The following KLHL2 variants were observed in gnomAD, a reference collection of about 807,000 sequenced individuals.
The protein encoded by KLHL2 is kelch like family member 2, also known as kelch-like protein 2.
Under a neutral mutation model 75.8 loss-of-function variants are expected in KLHL2, and 15 were observed. That is an observed-to-expected ratio of 0.20 (90% confidence interval 0.13 to 0.30). KLHL2 has a LOEUF of 0.30. KLHL2 is among the 10% of genes least tolerant of loss of function. KLHL2 has a pLI of 1.00. For missense variants in KLHL2, 381 were observed against 741.0 expected, an observed-to-expected ratio of 0.51 and a Z score of 5.64; for synonymous variants, 214 against 251.9, an observed-to-expected ratio of 0.85 and a Z score of 1.42.
chr4:165,209,623 C>T (rs1483923544), intron 1 of KLHL2, among the ~76,000 whole-genome samples: 2 of 152,056 alleles, frequency 1.3e-5, no homozygotes, highest in African/African-American at 4.8e-5. Context: ...TGATGACCAG[C>T]GCCATTTTTG....
chr4:165,305,515 T>A (rs1745663795), intron 8 of KLHL2, 93 bp from the exon 9 acceptor site: 1 of 1,027,012 alleles, frequency 9.7e-7, no homozygotes, highest in Admixed American at 1.7e-5. Flanking sequence ...ATCTTCATCC[T>A]AACACTTCCC....
Position 165,322,292 on chromosome 4 carries a change from T to G in KLHL2, c.*232T>G. On this transcript the variant is annotated 3_prime_UTR_variant, in exon 15 of 15. Transcript: ENST00000226725. Reference sequence around the variant, plus strand: ...GCTGACTGAATTTTCATAAGAAACTTGGACTGCAGGACTTAATCTGTAGTC... The same window carrying G: ...GCTGACTGAATTTTCATAAGAAACTGGGACTGCAGGACTTAATCTGTAGTC... 1.9e-6 allele frequency: 1 copy of G among 525,866 alleles called. No individual in the cohort carries two copies. Among genetic ancestry groups the G allele is most frequent in the South Asian group, 2.6e-5 (1 of 38,248 alleles). 32.6% of individuals were successfully genotyped at this position (525,866 alleles called of 1,614,324 possible). A position where few individuals can be genotyped will look rare whatever the true frequency, so the allele number is the denominator to read the frequency against.
chr4:165,305,453 A>T (rs1745658746), intron 8 of KLHL2, among the ~76,000 whole-genome samples, 155 bp from the exon 9 acceptor site: 1 of 152,192 alleles, frequency 6.6e-6, no homozygotes. Context: ...GTTGATGTTT[A>T]TGAAATGTTG....
At chr4:165,258,824 A>G (rs1741416472) in intron 4 of KLHL2, among the ~76,000 whole-genome samples, 3 of 152,254 alleles carry the variant, frequency 2.0e-5, no homozygotes, top group Admixed American at 1.3e-4. Flanking sequence ...AAACCACAGG[A>G]TCAGAATTAC....
chr4:165,261,061 G>T (rs1741625550), intron 4 of KLHL2, among the ~76,000 whole-genome samples: 2 of 152,114 alleles, frequency 1.3e-5, no homozygotes, highest in Admixed American at 6.5e-5. Flanking sequence ...CATACTATTT[G>T]TGCAGATTTC....
chr4:165,230,693 C>T (rs1333444951), intron 3 of KLHL2, among the ~76,000 whole-genome samples: 16 of 151,934 alleles, frequency 1.1e-4, no homozygotes, highest in Admixed American at 1.0e-3. Flanking sequence ...CTTAGTGTCT[C>T]CAAACTCCCT....
At chr4:165,282,077 GT>G (rs1448746447) in intron 5 of KLHL2, among the ~76,000 whole-genome samples, 5 of 152,166 alleles carry the variant, frequency 3.3e-5, no homozygotes, top group Admixed American at 1.3e-4. Flanking sequence ...ATTGAGGTTG[GT>G]AATAGCGTTA....
At chr4:165,280,387 G>T (rs1023045956) in intron 5 of KLHL2, among the ~76,000 whole-genome samples, 1 of 152,114 alleles carries the variant, frequency 6.6e-6, no homozygotes, top group Non-Finnish European at 1.5e-5. Context: ...TCAATCATTT[G>T]CCCACCTTTC....
intron 7 of KLHL2, among the ~76,000 whole-genome samples, chr4:165,298,287 C>T (rs1291601425): frequency 6.6e-6 from 1 of 152,036 alleles, no homozygotes; most frequent in Non-Finnish European, 1.5e-5. Flanking sequence ...TTTTTTCTTT[C>T]CATAGTCTCT....
At chr4:165,269,155 A>G (rs1455527603) in intron 5 of KLHL2, among the ~76,000 whole-genome samples, 6 of 150,178 alleles carry the variant, frequency 4.0e-5, no homozygotes, top group East Asian at 2.0e-4. Context: ...TTTGTTTTCC[A>G]TTTGCTTGGT....
At chr4:165,209,908 C>A in intron 1 of KLHL2, 1 of 870,688 alleles carries the variant, frequency 1.1e-6, no homozygotes, top group Non-Finnish European at 1.7e-6. Context: ...TTCCTTGCCA[C>A]CCCTTGGCCT....
chr4:165,300,152 G>A (rs1745237447), intron 8 of KLHL2, among the ~76,000 whole-genome samples: 1 of 152,060 alleles, frequency 6.6e-6, no homozygotes, highest in Non-Finnish European at 1.5e-5. Context: ...AGCCACGTGT[G>A]GTGGCAGGTG....
intron 13 of KLHL2, among the ~76,000 whole-genome samples, chr4:165,317,505 C>T (rs1426379677): frequency 6.6e-6 from 1 of 151,978 alleles, no homozygotes; most frequent in African/African-American, 2.4e-5. Context: ...GCTGGGACCA[C>T]AGGCACACTC....
intron 8 of KLHL2, among the ~76,000 whole-genome samples, chr4:165,302,494 T>C (rs1745421661): frequency 6.6e-6 from 1 of 152,186 alleles, no homozygotes; most frequent in Non-Finnish European, 1.5e-5. Flanking sequence ...TATATTACAC[T>C]CTGATTTTTA....
At chr4:165,315,776 G>A in intron 13 of KLHL2, among the ~76,000 whole-genome samples, 1 of 152,238 alleles carries the variant, frequency 6.6e-6, no homozygotes, top group East Asian at 1.9e-4. Context: ...TGGAAAGAAA[G>A]AACTAAGCTG....
chr4:165,312,835 C>A (rs1335088485), intron 11 of KLHL2, among the ~76,000 whole-genome samples: 1 of 152,082 alleles, frequency 6.6e-6, no homozygotes, highest in Non-Finnish European at 1.5e-5. Flanking sequence ...TTTTTAATGC[C>A]AAGTAATATT....
At chr4:165,264,717 TATACATATATATATATATATATGTATATA>T in intron 5 of KLHL2, among the ~76,000 whole-genome samples, 1 of 77,746 alleles carries the variant, frequency 1.3e-5, no homozygotes, top group Non-Finnish European at 2.4e-5. Flanking sequence ...TATATATATA[TATACATATATATATATATATATGTATATA>T]TATATATATA....
In KLHL2 at chr4:165,322,089, A is replaced by G; in HGVS notation, c.*29A>G. On this transcript the variant is annotated 3_prime_UTR_variant, in exon 15 of 15. Transcript: ENST00000226725. ...TGAAGGACATTTTCAGCATATTTAT[A>G]CATGAGAAACAGCCTTCAACAAGTA... 1 of 1,595,850 alleles carries G rather than the reference A, an allele frequency of 6.3e-7. No homozygotes were observed.
At chr4:165,244,650 C>CA (rs1235678771) in intron 4 of KLHL2, among the ~76,000 whole-genome samples, 48 of 150,208 alleles carry the variant, frequency 3.2e-4, no homozygotes, top group African/African-American at 9.4e-4. Flanking sequence ...AACAAACAAA[C>CA]AAACAAAAAA....
Sources: gnomAD v4.1 joint callset for allele counts (sites outside exome capture counted in the v4.1 genomes callset) on GRCh38, gnomAD v4.1.1 for gene constraint, MANE v1.5 for transcripts, NCBI Gene and HGNC (gene_info 2026-07-23, HGNC 2026-07-21) for gene names.